The following PCCA variants were observed in gnomAD, a reference collection of about 807,000 sequenced individuals.
PCCA encodes the protein propionyl-CoA carboxylase alpha chain, mitochondrial.
PCCA carries 74 observed loss-of-function variants against 101.3 expected under a neutral mutation model. The observed-to-expected ratio is 0.73, with a 90% CI of 0.61 to 0.89. The LOEUF (loss-of-function observed/expected upper bound fraction) is 0.89. Among genes scored for constraint, PCCA ranks in the 40% least tolerant of loss-of-function variants. PCCA has a pLI of 0.00. For missense variants in PCCA, 891 were observed against 907.0 expected (o/e 0.98, Z 0.23); for synonymous variants, 294 against 313.6 (o/e 0.94, Z 0.66).
intron 7 of PCCA, among the ~76,000 whole-genome samples, chr13:100,226,740 G>T (rs1364407020): frequency 1.3e-5 from 2 of 152,166 alleles, no homozygotes; most frequent in Non-Finnish European, 2.9e-5. Context: ...GCCAGGCAGG[G>T]AAGGTACCAA....
intron 7 of PCCA, among the ~76,000 whole-genome samples, chr13:100,222,122 T>A (rs981784987): frequency 1.5e-4 from 23 of 149,538 alleles, no homozygotes; most frequent in Non-Finnish European, 3.0e-4. Context: ...ACTCACTCCA[T>A]CCCCGCCCCC....
At chr13:100,496,757 C>T (rs1236897502) in intron 21 of PCCA, among the ~76,000 whole-genome samples, 3 of 152,158 alleles carry the variant, frequency 2.0e-5, no homozygotes, top group Admixed American at 2.0e-4. Context: ...GTAGATGTCA[C>T]CCAACCTGGT....
chr13:100,291,783 C>T (rs942505344), intron 12 of PCCA, among the ~76,000 whole-genome samples: 1 of 152,214 alleles, frequency 6.6e-6, no homozygotes, highest in African/African-American at 2.4e-5. Context: ...ACTTGGATTC[C>T]TGGGCAAAGA....
chr13:100,366,998 T>C (rs1432452871), intron 18 of PCCA, among the ~76,000 whole-genome samples: 1 of 152,166 alleles, frequency 6.6e-6, no homozygotes, highest in African/African-American at 2.4e-5. Flanking sequence ...GAGACTTCTT[T>C]TGAAAATTTG....
chr13:100,324,362 C>A (rs1295543454), intron 16 of PCCA, among the ~76,000 whole-genome samples: 3 of 152,140 alleles, frequency 2.0e-5, no homozygotes, highest in African/African-American at 7.2e-5. Flanking sequence ...TTGAACAACA[C>A]TGGTTTGAAC....
chr13:100,438,324 T>A (rs911578714), intron 20 of PCCA, among the ~76,000 whole-genome samples: 1 of 151,684 alleles, frequency 6.6e-6, no homozygotes, highest in African/African-American at 2.4e-5. Flanking sequence ...GCAATTAATT[T>A]TGTTGATTTT....
chr13:100,399,197 T>C (rs1472382740), intron 19 of PCCA, among the ~76,000 whole-genome samples: 1 of 152,152 alleles, frequency 6.6e-6, no homozygotes, highest in Non-Finnish European at 1.5e-5. Flanking sequence ...GTTTTAAAAA[T>C]TACTCACGTA....
chr13:100,319,174 A>G lies in PCCA; in HGVS notation c.1429+9266A>G, dbSNP rs530791203. On this transcript the variant is annotated intron_variant, in intron 16 of 23. Coordinates refer to ENST00000376285, the MANE Select transcript of PCCA (RefSeq NM_000282.4). The stretch of plus-strand genomic sequence containing the variant: ...GTTCATGTCCTTCGCCCACTTTTTG[A>G]TGGGGTTGTTTGTTTTTTTCTTGTA... 4.4e-3 allele frequency among the ~76,000 whole-genome samples: 675 copies of G among 151,940 alleles called. 3 individuals carry two copies. Among genetic ancestry groups the G allele is most frequent in the Non-Finnish European group, 7.4e-3 (505 of 67,980 alleles).
chr13:100,439,047 G>A (rs951621522), intron 20 of PCCA, among the ~76,000 whole-genome samples: 1 of 152,072 alleles, frequency 6.6e-6, no homozygotes, highest in African/African-American at 2.4e-5. Flanking sequence ...AAATACAATT[G>A]AAAATTTAAC....
At chr13:100,343,195 C>T (rs1167999423) in intron 18 of PCCA, among the ~76,000 whole-genome samples, 1 of 152,028 alleles carries the variant, frequency 6.6e-6, no homozygotes, top group Non-Finnish European at 1.5e-5. Flanking sequence ...GACTCCGTCT[C>T]AAACAAACAA....
intron 21 of PCCA, among the ~76,000 whole-genome samples, chr13:100,506,997 G>A (rs752116136): frequency 3.0e-4 from 45 of 151,932 alleles, no homozygotes; most frequent in Non-Finnish European, 4.3e-4. Flanking sequence ...TTATAAATTC[G>A]TAATTACATA....
chr13:100,420,119 A>G (rs2078651243), intron 19 of PCCA, among the ~76,000 whole-genome samples: 1 of 152,156 alleles, frequency 6.6e-6, no homozygotes, highest in Non-Finnish European at 1.5e-5. Context: ...TTATCACTTC[A>G]CTTTTGGCTT....
intron 18 of PCCA, among the ~76,000 whole-genome samples, chr13:100,357,846 A>G (rs2074113785): frequency 6.6e-6 from 1 of 152,216 alleles, no homozygotes; most frequent in South Asian, 2.1e-4. Flanking sequence ...AAGCAGGGAT[A>G]TCATGGCAGA....
intron 8 of PCCA, among the ~76,000 whole-genome samples, chr13:100,247,398 A>T (rs1465307105): frequency 2.0e-5 from 3 of 147,652 alleles, no homozygotes; most frequent in Non-Finnish European, 4.5e-5. Context: ...TTGTATTTTC[A>T]GTAGAGACGA....
intron 19 of PCCA, among the ~76,000 whole-genome samples, chr13:100,407,626 C>A (rs895405415): frequency 6.6e-6 from 1 of 152,116 alleles, no homozygotes. Context: ...ACATAGAGAA[C>A]CTCTTCTGCA....
intron 8 of PCCA, among the ~76,000 whole-genome samples, chr13:100,247,697 G>A (rs1446085259): frequency 6.6e-6 from 1 of 151,534 alleles, no homozygotes; most frequent in Non-Finnish European, 1.5e-5. Context: ...TGTATTTTTA[G>A]TAGAGATGAG....
At chr13:100,215,054 C>T (rs963987167) in intron 7 of PCCA, among the ~76,000 whole-genome samples, 2 of 152,202 alleles carry the variant, frequency 1.3e-5, no homozygotes, top group Admixed American at 6.5e-5. Context: ...TACTTGACAT[C>T]GTTCAGATTC....
intron 13 of PCCA, 108 bp downstream of exon 13, chr13:100,301,711 A>G (rs1035747186): frequency 8.1e-7 from 1 of 1,235,338 alleles, no homozygotes; most frequent in Non-Finnish European, 1.2e-6. Flanking sequence ...GTTGCCAACT[A>G]TTGGATTACG....
At chr13:100,445,097 T>G (rs1268807214) in intron 20 of PCCA, among the ~76,000 whole-genome samples, 1 of 152,082 alleles carries the variant, frequency 6.6e-6, no homozygotes, top group East Asian at 1.9e-4. Flanking sequence ...AGCTGGTGTG[T>G]GTGGAGGTCA....
Sources: gnomAD v4.1 joint callset for allele counts (sites outside exome capture counted in the v4.1 genomes callset) on GRCh38, gnomAD v4.1.1 for gene constraint, MANE v1.5 for transcripts, NCBI Gene and HGNC (gene_info 2026-07-23, HGNC 2026-07-21) for gene names.